DSG4: variants seen among roughly 807,000 people sequenced by gnomAD.
DSG4 encodes the protein desmoglein 4, also known as desmoglein-4.
In DSG4, 87 loss-of-function variants were observed where a neutral mutation model predicts 93.1. That is an observed-to-expected ratio of 0.93 (90% CI 0.79 to 1.12). DSG4 has a LOEUF of 1.12. DSG4 is among the 50% of genes most tolerant of loss of function. DSG4 has a pLI of 0.00. For synonymous variants in DSG4, 432 were observed against 452.9 expected (o/e 0.95, Z 0.59); for missense variants, 1,373 against 1,285.7 (o/e 1.07, Z -1.04).
Position 31,400,794 on chromosome 18 carries a change from A to T in DSG4, c.1278-87A>T, listed in dbSNP as rs191978148. The T allele has an allele frequency of 2.2e-4, 305 of 1,390,260 alleles. 2 individuals carry two copies. In the East Asian group the frequency reaches 6.1e-3, roughly 28 times the overall value. The allele number at this position is 1,390,260 out of a possible 1,614,324, so 86.1% of individuals were successfully genotyped here. A position where few individuals can be genotyped will look rare whatever the true frequency, so the allele number is the denominator to read the frequency against. On this transcript the variant is annotated intron_variant, in intron 9 of 15. Transcript: ENST00000308128. ...CTATAAAACATAAAAACACAATATT[A>T]AAGTTTGCCACATTGTAGCTGTTAC...
At chr18:31,396,335 G>A (rs1036852903) in intron 8 of DSG4, among the ~76,000 whole-genome samples, 1 of 145,920 alleles carries the variant, frequency 6.9e-6, no homozygotes, top group African/African-American at 2.6e-5. Flanking sequence ...ACAACTCTCG[G>A]AAGAAAATAG....
chr18:31,393,195 A>C (rs1016512115), intron 8 of DSG4, among the ~76,000 whole-genome samples: 2 of 152,348 alleles, frequency 1.3e-5, no homozygotes, highest in African/African-American at 4.8e-5. Context: ...ATATATATTA[A>C]GACATATATG....
intron 10 of DSG4, among the ~76,000 whole-genome samples, chr18:31,401,971 T>C (rs924643717): frequency 3.3e-5 from 5 of 152,254 alleles, no homozygotes; most frequent in Non-Finnish European, 5.9e-5. Context: ...GTCAGTTTTA[T>C]AAATAACATT....
chr18:31,400,967 A>C lies in DSG4; in HGVS notation c.1364A>C (p.Lys455Thr). 1 of 1,611,804 alleles carries C rather than the reference A, an allele frequency of 6.2e-7. No homozygotes were observed. Among genetic ancestry groups the C allele is most frequent in the Non-Finnish European group, 8.5e-7 (1 of 1,178,446 alleles). ...EIQFSREFDK[K>T]SKYIINGIYT... ...CAATTTTCTAGAGAATTTGATAAGA[A>C]GTCAAAATATATTATCAATGGGATA... Residue 455 changes from lysine to threonine, a missense_variant, in exon 10 of 16, where the codon AAG (lysine) becomes ACG (threonine). Coordinates refer to ENST00000308128, the MANE Select transcript of DSG4 (RefSeq NM_177986.5).
Position 31,413,696 on chromosome 18 carries a change from A to T in DSG4, c.*101A>T. ...GTACCATATATATTAATAGTCAACA[A>T]ATACTCAGATATTCTAAGGTCAATG... is the stretch of plus-strand genomic sequence containing the variant. On this transcript the variant is annotated 3_prime_UTR_variant, in exon 16 of 16. Transcript: ENST00000308128. 7.0e-7 allele frequency: 1 copy of T among 1,436,136 alleles called. No homozygotes were observed. The highest frequency in any genetic ancestry group is 1.2e-5 in the South Asian group (1 of 84,390). The allele number at this position is 1,436,136 out of a possible 1,614,324, so 89.0% of individuals were successfully genotyped here.
intron 8 of DSG4, among the ~76,000 whole-genome samples, chr18:31,398,071 T>C (rs2072325028): frequency 6.6e-6 from 1 of 151,870 alleles, no homozygotes; most frequent in Admixed American, 6.6e-5. Context: ...CGATTTTTCA[T>C]TTATTTGAAG....
intron 5 of DSG4, among the ~76,000 whole-genome samples, chr18:31,389,401 T>C (rs1423977380): frequency 6.6e-6 from 1 of 152,160 alleles, no homozygotes; most frequent in Non-Finnish European, 1.5e-5. Context: ...TAGAGCGTGA[T>C]GGTGGAAGCA....
rs1446037749 is a variant in DSG4 at position 31,414,831 on chromosome 18, ACAGTAG to A, written c.*1240_*1245del. ...TTACTTAATTCTGTAAAATATGTATACAGTAGCAGCAATAATGTGACTGAGATAATG... is the reference window on the plus strand; with the variant it reads ...TTACTTAATTCTGTAAAATATGTATACAGCAATAATGTGACTGAGATAATG... On this transcript the variant is annotated 3_prime_UTR_variant, in exon 16 of 16. Transcript: ENST00000308128. The A allele has an allele frequency of 6.6e-6, 1 of 151,836 alleles. No individual in the cohort carries two copies. The highest frequency in any genetic ancestry group is 1.5e-5 in the Non-Finnish European group (1 of 67,962). The allele number at this position is 151,836 out of a possible 1,614,324, so 9.4% of individuals were successfully genotyped here.
chr18:31,388,809 A>G (rs553326731), intron 4 of DSG4, 65 bp from the exon 5 acceptor site: 7 of 1,610,664 alleles, frequency 4.3e-6, no homozygotes, highest in Non-Finnish European at 5.9e-6. Flanking sequence ...TTTCTGATAT[A>G]TTTTCAAGCA....
At position 31,399,542 on chromosome 18, in the gene DSG4, A is replaced by G. The variant is rs1263722857; in HGVS notation, c.1276A>G (p.Arg426Gly). The G allele has an allele frequency of 6.2e-7, 1 of 1,613,836 alleles. No homozygotes were observed. The highest frequency in any genetic ancestry group is 8.5e-7 in the Non-Finnish European group (1 of 1,179,792). ...CACAGGAAACCCTGCAACAGATGTC[A>G]GGTACTGCAACTATTTTCTTCATGT... ...LDTGNPATDV[R>G]YIIGHDAGSW... The change falls in exon 9 of 16, where the codon AGA becomes GGA. Residue 426 changes from arginine (R) to glycine (G), a missense_variant and splice_region_variant. By Grantham distance (125) the Arg-to-Gly change is moderately radical. Transcript: ENST00000308128.
rs112376128 is a variant in DSG4 at position 31,399,291 on chromosome 18, C to T, written c.1025C>T (p.Ala342Val). ...TTTCAGATGCTGGATTATGAACAAG[C>T]ACCTAACATTCAGCTTAGTATCGGA... The part of the protein sequence containing the change: ...KVVKMLDYEQ[A>V]PNIQLSIGVK... The change falls in exon 9 of 16, where the codon GCA becomes GTA. Residue 342 changes from alanine (A) to valine (V), a missense_variant. Ala to Val is a moderately conservative substitution (Grantham distance 64, BLOSUM62 0). Coordinates refer to ENST00000308128, the MANE Select transcript of DSG4 (RefSeq NM_177986.5). 79 of 1,613,974 alleles carry T rather than the reference C, an allele frequency of 4.9e-5. 1 individual carries two copies. The African/African-American group carries it at 6.5e-4, about 13-fold the overall frequency.
At chr18:31,390,994 G>T (rs143657134) in intron 6 of DSG4, 84 bp from the exon 7 acceptor site, 1 of 1,567,380 alleles carries the variant, frequency 6.4e-7, no homozygotes, top group Non-Finnish European at 8.7e-7. Flanking sequence ...GTAAATAAAA[G>T]AGTAGAGAAA....
intron 3 of DSG4, 144 bp from the exon 4 acceptor site, chr18:31,388,223 C>T: frequency 1.2e-6 from 1 of 865,138 alleles, no homozygotes; most frequent in Non-Finnish European, 1.8e-6. Context: ...GTAAATTTTC[C>T]AGGGTCACAC....
intron 2 of DSG4, 57 bp downstream of exon 2, chr18:31,385,228 G>A (rs2072175179): frequency 4.1e-6 from 5 of 1,233,386 alleles, no homozygotes; most frequent in Non-Finnish European, 5.8e-6. Context: ...ACTGAATTTT[G>A]TAATGTATTA....
rs2144226361 is a variant in DSG4, at chr18:31,414,176, A to G, written c.*581A>G. ...ATAGGAGATGCTTAATATAATAAGA[A>G]AAGAGTTTGCCAACTGAAAGCATGG... On this transcript the variant is annotated 3_prime_UTR_variant, in exon 16 of 16. Coordinates refer to ENST00000308128, the MANE Select transcript of DSG4 (RefSeq NM_177986.5). The G allele has an allele frequency of 6.6e-6, 1 of 152,342 alleles. No homozygotes were observed. Among genetic ancestry groups the G allele is most frequent in the Non-Finnish European group, 1.5e-5 (1 of 68,036 alleles). 9.4% of individuals were successfully genotyped at this position (152,342 alleles called of 1,614,324 possible).
intron 1 of DSG4, among the ~76,000 whole-genome samples, chr18:31,378,954 G>A (rs980986585): frequency 6.6e-6 from 1 of 152,126 alleles, no homozygotes; most frequent in African/African-American, 2.4e-5. Context: ...ACACTAATGA[G>A]GGTGTGGCAG....
intron 9 of DSG4, among the ~76,000 whole-genome samples, chr18:31,400,194 TTAGAG>T (rs1248359289): frequency 2.0e-5 from 3 of 152,214 alleles, no homozygotes; most frequent in Non-Finnish European, 4.4e-5. Flanking sequence ...TCCAATATTC[TTAGAG>T]TAAACGAAGT....
At position 31,413,392 on chromosome 18, in the gene DSG4, G is replaced by A. The variant is rs749087566; in HGVS notation, c.2920G>A (p.Val974Met). 46 of 1,614,010 alleles carry A rather than the reference G, an allele frequency of 2.9e-5. No individual in the cohort carries two copies. Among genetic ancestry groups the A allele is most frequent in the Admixed American group, 1.5e-4 (9 of 60,000 alleles). Residue 974 changes from valine to methionine, a missense_variant, in exon 16 of 16, where the codon GTG (valine) becomes ATG (methionine). Val to Met is a conservative substitution (Grantham distance 21). Coordinates refer to ENST00000308128, the MANE Select transcript of DSG4 (RefSeq NM_177986.5). ...YAERVLASPG[V>M]PDMSNSSTTE... Reference sequence around the variant, plus strand: ...TGAGAGAGTACTGGCTAGTCCTGGTGTGCCTGACATGAGCAATAGTAGCAC... The same window carrying A: ...TGAGAGAGTACTGGCTAGTCCTGGTATGCCTGACATGAGCAATAGTAGCAC...
intron 11 of DSG4, 91 bp downstream of exon 11, chr18:31,403,725 T>C: frequency 4.4e-6 from 5 of 1,143,672 alleles, no homozygotes; most frequent in Non-Finnish European, 6.5e-6. Context: ...TAAAACATTC[T>C]ACTTCTGTTT....
Sources: gnomAD v4.1 joint callset for allele counts (sites outside exome capture counted in the v4.1 genomes callset) on GRCh38, gnomAD v4.1.1 for gene constraint, MANE v1.5 for transcripts, NCBI Gene and HGNC (gene_info 2026-07-23, HGNC 2026-07-21) for gene names.